The following TMPRSS9 variants were observed in gnomAD, a reference collection of about 807,000 sequenced individuals.
TMPRSS9 encodes the protein transmembrane protease serine 9.
Under a neutral mutation model 111.4 loss-of-function variants are expected in TMPRSS9, and 113 were observed. That is an observed-to-expected ratio of 1.01 (90% CI 0.87 to 1.19). The LOEUF (loss-of-function observed/expected upper bound fraction) is 1.19. Ranked by LOEUF, TMPRSS9 falls within the 50% of genes most tolerant of loss-of-function variation. The pLI is 0.00. For synonymous variants in TMPRSS9, 805 were observed against 659.1 expected, an observed-to-expected ratio of 1.22 and a Z score of -3.39; for missense variants, 1,803 against 1,513.1, an observed-to-expected ratio of 1.19 and a Z score of -3.18.
intron 9 of TMPRSS9, among the ~76,000 whole-genome samples, chr19:2,412,268 G>A (rs1356009130): frequency 6.6e-6 from 1 of 152,062 alleles, no homozygotes; most frequent in Non-Finnish European, 1.5e-5. Flanking sequence ...GCTGGGTTTG[G>A]TGGTGCATGC....
intron 9 of TMPRSS9, 44 bp from the exon 11 acceptor site, chr19:2,413,656 T>C (rs768796857): frequency 1.9e-6 from 3 of 1,562,870 alleles, no homozygotes; most frequent in East Asian, 2.3e-5. Context: ...GTGTCTGGAC[T>C]GGCTGCTGCC....
intron 1 of TMPRSS9, among the ~76,000 whole-genome samples, chr19:2,379,643 TTC>T (rs1453287493): frequency 6.7e-6 from 1 of 148,688 alleles, no homozygotes; most frequent in Non-Finnish European, 1.5e-5. Flanking sequence ...CTTTCTTTCT[TTC>T]TTTCTTTCTT....
At position 2,425,917 on chromosome 19, in the gene TMPRSS9, TC is replaced by T. The variant is rs1341751880; in HGVS notation, c.3121-6del. On this transcript the variant is annotated splice_polypyrimidine_tract_variant and intron_variant, in intron 17 of 17. Coordinates refer to ENST00000648592, the Ensembl canonical transcript of TMPRSS9. ...CGGCCTCTGAACCCCCTTTCTTCTC[TC>T]CCCAACAGGGTGACGCTGGGGGACC... 7 of 1,580,498 alleles carry T rather than the reference TC, an allele frequency of 4.4e-6. No homozygotes were observed. The highest frequency in any genetic ancestry group is 2.3e-5 in the South Asian group (2 of 86,920).
At chr19:2,363,511 G>A (rs1440199655) in intron 1 of TMPRSS9, among the ~76,000 whole-genome samples, 2 of 151,782 alleles carry the variant, frequency 1.3e-5, no homozygotes, top group South Asian at 4.2e-4. Flanking sequence ...GCAGTTGTGG[G>A]GGGGTGGGGG....
intron 1 of TMPRSS9, among the ~76,000 whole-genome samples, chr19:2,375,324 G>A (rs754162542): frequency 1.3e-5 from 2 of 152,186 alleles, no homozygotes; most frequent in African/African-American, 2.4e-5. Context: ...TCCTGCTTGG[G>A]TCATATGCAA....
chr19:2,389,460 C>G (rs938381359), upstream of TMPRSS9, among the ~76,000 whole-genome samples: 1 of 150,862 alleles, frequency 6.6e-6, no homozygotes, highest in Admixed American at 6.7e-5. Context: ...GCCTCCGCCT[C>G]CCGGGTTCAA....
rs147037779 is a variant in TMPRSS9 at position 2,422,062 on chromosome 19, C to T, written c.2363C>T (p.Thr788Ile). 32 of 1,611,440 alleles carry T rather than the reference C, an allele frequency of 2.0e-5. No individual in the cohort carries two copies. The Admixed American group carries it at 3.0e-4, about 15-fold the overall frequency. ...TCGACCACAAGGATGCTGGCCACCA[C>T]CAGCCCCAGGACGACAGCTGGCCTC... Residue 788 changes from threonine to isoleucine, a missense_variant, in exon 14 of 18, where the codon ACC becomes ATC. Transcript: ENST00000648592.
In TMPRSS9 at chr19:2,416,903, ACCAATT is replaced by A. The variant is rs1363030419; in HGVS notation, c.2017+98_2017+103del. On this transcript the variant is annotated intron_variant, in intron 12 of 17. Transcript: ENST00000648592. ...TGGGCATCTCTTACCTGGACCCTAA[ACCAATT>A]CCACTGCACAGGGACCTCTGTGGCT... is the stretch of plus-strand genomic sequence containing the variant. 15 of 1,421,596 alleles carry A rather than the reference ACCAATT, an allele frequency of 1.1e-5. No individual in the cohort carries two copies. The African/African-American group carries it at 2.1e-4, about 20-fold the overall frequency. The allele number at this position is 1,421,596 out of a possible 1,614,324, so 88.1% of individuals were successfully genotyped here. A position where few individuals can be genotyped will look rare whatever the true frequency, so the allele number is the denominator to read the frequency against.
At position 2,395,986 on chromosome 19, in the gene TMPRSS9, C is replaced by T. The variant is rs140913738; in HGVS notation, c.143-553C>T. Among the ~76,000 whole-genome samples the T allele has an allele frequency of 5.4e-3, 827 of 152,268 alleles. 9 individuals carry two copies. The highest frequency in any genetic ancestry group is 0.015 in the African/African-American group (632 of 41,570). On this transcript the variant is annotated intron_variant, in intron 1 of 17. Coordinates refer to ENST00000648592, the Ensembl canonical transcript of TMPRSS9. ...TTGCGCCACCGCACTCCAGCCTGGG[C>T]GACAGAGCGAGACTCTGTCTCAAAC...
chr19:2,418,319 C>CCCTTCCCT lies in TMPRSS9; in HGVS notation c.2154+181_2154+182insCCTTCCCT, dbSNP rs1568189365. 3.0e-4 allele frequency among the ~76,000 whole-genome samples: 12 copies of CCCTTCCCT among 39,620 alleles called. 2 individuals carry two copies. The highest frequency in any genetic ancestry group is 2.8e-4 in the Non-Finnish European group (6 of 21,512). 26.0% of individuals were successfully genotyped at this position (39,620 alleles called of 152,430 possible). ...TCCTTCCCTCCCTTTCCCTCCCTCC[C>CCCTTCCCT]TCCCTCCCTCCCTTTCCTTCCCTCC... On this transcript the variant is annotated intron_variant, in intron 13 of 17. Transcript: ENST00000648592.
chr19:2,366,659 C>T (rs1052112169), intron 1 of TMPRSS9, among the ~76,000 whole-genome samples: 3 of 151,502 alleles, frequency 2.0e-5, no homozygotes, highest in Non-Finnish European at 2.9e-5. Context: ...AGATCAAGAC[C>T]ATCCTGGCTA....
chr19:2,396,769 C>T (rs1240547599), intron 2 of TMPRSS9, 103 bp downstream of exon 3: 21 of 1,452,792 alleles, frequency 1.4e-5, no homozygotes, highest in Admixed American at 2.2e-5. Flanking sequence ...CCACAGGCAA[C>T]GAAGCTGAGG....
At position 2,422,213 on chromosome 19, in the gene TMPRSS9, C is replaced by T. The variant is rs202025896; in HGVS notation, c.2514C>T (p.Asp838=). 245 of 1,524,714 alleles carry T rather than the reference C, an allele frequency of 1.6e-4. No homozygotes were observed. In the South Asian group the frequency reaches 2.3e-3, roughly 15 times the overall value. 94.4% of individuals were successfully genotyped at this position (1,524,714 alleles called of 1,614,324 possible). ...CTAGGGGACAGACGCCATTTCCAGA[C>T]GCCCCGGAGGCCACCACACACACCC... Residue 838 remains aspartate, a synonymous_variant, in exon 14 of 18, where the codon GAC becomes GAT. Transcript: ENST00000648592.
At chr19:2,418,370 T>C (rs1294451143) in intron 13 of TMPRSS9, among the ~76,000 whole-genome samples, 1 of 50,926 alleles carries the variant, frequency 2.0e-5, no homozygotes, top group Non-Finnish European at 3.6e-5. Flanking sequence ...TCCCTTCCCT[T>C]CCCTCCCTCC....
chr19:2,416,916 C>T (rs1971252529), intron 12 of TMPRSS9, 107 bp downstream of exon 13: 1 of 1,342,096 alleles, frequency 7.5e-7, no homozygotes, highest in African/African-American at 1.5e-5. Flanking sequence ...AATTCCACTG[C>T]ACAGGGACCT....
In TMPRSS9 at chr19:2,393,254, A is replaced by T. The variant is rs542478154; in HGVS notation, c.143-3285A>T. 5.9e-5 allele frequency among the ~76,000 whole-genome samples: 9 copies of T among 152,200 alleles called. No homozygotes were observed. In the East Asian group the frequency reaches 1.7e-3, roughly 29 times the overall value. ...TCGTTGGGTGTGAGATGCTTTTATGAGCTGTAACACTCACTGTGAAGGTCT... is the reference window on the plus strand; with the variant it reads ...TCGTTGGGTGTGAGATGCTTTTATGTGCTGTAACACTCACTGTGAAGGTCT... On this transcript the variant is annotated intron_variant, in intron 1 of 17. Transcript: ENST00000648592.
intron 7 of TMPRSS9, among the ~76,000 whole-genome samples, chr19:2,406,171 C>T (rs1170002876): frequency 1.3e-5 from 2 of 149,290 alleles, no homozygotes; most frequent in African/African-American, 2.5e-5. Context: ...CCACCACGCC[C>T]AGCTAATTTA....
At chr19:2,381,757 C>G (rs532289360) in intron 1 of TMPRSS9, among the ~76,000 whole-genome samples, 1 of 152,326 alleles carries the variant, frequency 6.6e-6, no homozygotes, top group South Asian at 2.1e-4. Flanking sequence ...TGGGCCCCAG[C>G]ATAGGGTTGC....
chr19:2,390,432 A>T (rs1423586754), intron 1 of TMPRSS9, among the ~76,000 whole-genome samples: 6 of 148,984 alleles, frequency 4.0e-5, no homozygotes, highest in African/African-American at 1.5e-4. Context: ...TTTAGTAGAG[A>T]CGGGGTTTCA....
Sources: allele counts gnomAD v4.1 joint callset (sites outside exome capture counted in the v4.1 genomes callset), GRCh38; gene constraint gnomAD v4.1.1; transcripts MANE v1.5; gene names NCBI Gene and HGNC (gene_info 2026-07-23, HGNC 2026-07-21).